HMCN2: variants seen among roughly 807,000 people sequenced by gnomAD.
The protein encoded by HMCN2 is hemicentin 2.
HMCN2 carries 325 observed loss-of-function variants against 377.5 expected under a neutral mutation model. That is an observed-to-expected ratio of 0.86 (90% confidence interval 0.79 to 0.94). The LOEUF (loss-of-function observed/expected upper bound fraction) is 0.94. HMCN2 is among the 40% of genes least tolerant of loss of function. The pLI is 0.00. For synonymous variants in HMCN2, 2,007 were observed against 2,046.8 expected, an observed-to-expected ratio of 0.98 and a Z score of 0.53; for missense variants, 4,543 against 4,725.3, an observed-to-expected ratio of 0.96 and a Z score of 1.13.
At chr9:130,374,395 C>T (rs186103506) in intron 48 of HMCN2, 107 bp from the exon 49 acceptor site, 5 of 487,330 alleles carry the variant, frequency 1.0e-5, no homozygotes, top group East Asian at 3.0e-4. Flanking sequence ...GCCTCTGGGC[C>T]GGAATGGAAA....
rs1837010543 is a variant in HMCN2 at position 130,308,332 on chromosome 9, T to C, written c.2200+766T>C. Among the ~76,000 whole-genome samples the C allele has an allele frequency of 6.6e-6, 1 of 152,192 alleles. No homozygotes were observed. The highest frequency in any genetic ancestry group is 1.5e-5 in the Non-Finnish European group (1 of 68,024). ...TTCTTAGTGATAGTGCCGACGATAA[T>C]GTGATTATCTGAAAATGACAGCAAT... On this transcript the variant is annotated intron_variant, in intron 14 of 97. Transcript: ENST00000683500. This position sits in a 1 kb window ranked among gnomAD's most constrained non-coding sequence, Gnocchi z 4.1.
chr9:130,342,012 A>AAAATAAATAAAT (rs1221408865), intron 24 of HMCN2, among the ~76,000 whole-genome samples: 5,267 of 130,658 alleles, frequency 0.04, 133 homozygotes, highest in East Asian at 0.091. Flanking sequence ...CCCATCTCTT[A>AAAATAAATAAAT]AAATAAATAA....
chr9:130,430,765 C>G (rs570871891), intron 95 of HMCN2, 161 bp downstream of exon 95: 4 of 663,234 alleles, frequency 6.0e-6, no homozygotes, highest in Non-Finnish European at 2.5e-6. Context: ...TGCAGGGTGT[C>G]TCAGAGCCTT....
In HMCN2 at chr9:130,369,510, T is replaced by A; in HGVS notation, c.6788-60T>A. The A allele has an allele frequency of 1.1e-6, 1 of 940,062 alleles. No homozygotes were observed. Among genetic ancestry groups the A allele is most frequent in the South Asian group, 4.9e-5 (1 of 20,302 alleles). The allele number at this position is 940,062 out of a possible 1,614,324, so 58.2% of individuals were successfully genotyped here. A position where few individuals can be genotyped will look rare whatever the true frequency, so the allele number is the denominator to read the frequency against. On this transcript the variant is annotated intron_variant, in intron 44 of 97. Transcript: ENST00000683500. This position sits in a 1 kb window ranked among gnomAD's most constrained non-coding sequence, Gnocchi z 4.5. ...GTGTCCCTATTGGGCCCGGGGTAAG[T>A]GTGTGGTGCCTGGTGGCCCCAGCAG...
intron 15 of HMCN2, among the ~76,000 whole-genome samples, chr9:130,315,993 A>C (rs1269835150): frequency 3.9e-5 from 6 of 152,104 alleles, no homozygotes; most frequent in Non-Finnish European, 8.8e-5. Context: ...TTTGTGGGGG[A>C]CACAGTTCAG....
intron 27 of HMCN2, 147 bp from the exon 28 acceptor site, chr9:130,348,837 A>T (rs1839538146): frequency 8.3e-7 from 1 of 1,211,302 alleles, no homozygotes; most frequent in Non-Finnish European, 1.1e-6. Context: ...GTGGTCATGT[A>T]GTGAAGCCTG....
At position 130,364,313 on chromosome 9, in the gene HMCN2, G is replaced by A. The variant is rs187323280; in HGVS notation, c.6233-401G>A. 9.8e-5 allele frequency among the ~76,000 whole-genome samples: 15 copies of A among 152,360 alleles called. No homozygotes were observed. The East Asian group carries it at 2.9e-3, about 29-fold the overall frequency. ...CATGAGTTCTCCCCCTGGACCCTGC[G>A]TTCCTTCCTGCAAAGCTGCACTGGT... On this transcript the variant is annotated intron_variant, in intron 40 of 97. Coordinates refer to ENST00000683500, the MANE Select transcript of HMCN2 (RefSeq NM_001291815.2).
chr9:130,337,500 C>A (rs1050114801), intron 22 of HMCN2, among the ~76,000 whole-genome samples: 1 of 152,074 alleles, frequency 6.6e-6, no homozygotes, highest in African/African-American at 2.4e-5. Context: ...GGTTCCTGGC[C>A]CTGGGCTGAG....
intron 8 of HMCN2, among the ~76,000 whole-genome samples, chr9:130,302,464 T>C (rs1181086575): frequency 6.6e-6 from 1 of 152,156 alleles, no homozygotes; most frequent in Non-Finnish European, 1.5e-5. Flanking sequence ...CTAATCCTAG[T>C]TGGTAGCATT....
At position 130,348,545 on chromosome 9, in the gene HMCN2, T is replaced by C. The variant is rs747892344; in HGVS notation, c.4025T>C (p.Val1342Ala). The C allele has an allele frequency of 7.7e-7, 1 of 1,303,748 alleles. No homozygotes were observed. The highest frequency in any genetic ancestry group is 2.3e-5 in the Admixed American group (1 of 43,538). The allele number at this position is 1,303,748 out of a possible 1,614,324, so 80.8% of individuals were successfully genotyped here. ...CTCCTCGGCTCTCCTTGCCCCCAAGTGCCCCCCAGCATCCGGGAGGACGGG... is the reference window on the plus strand; with the variant it reads ...CTCCTCGGCTCTCCTTGCCCCCAAGCGCCCCCCAGCATCCGGGAGGACGGG... The part of the protein sequence containing the change: ...TSRRAKLVVY[V>A]PPSIREDGRK... Residue 1342 changes from valine (V) to alanine (A), a missense_variant and splice_region_variant, in exon 27 of 98, where the codon GTG (valine) becomes GCG (alanine). Coordinates refer to ENST00000683500, the MANE Select transcript of HMCN2 (RefSeq NM_001291815.2).
chr9:130,411,709 AG>A (rs1276675675), intron 85 of HMCN2, among the ~76,000 whole-genome samples: 4 of 152,196 alleles, frequency 2.6e-5, no homozygotes, highest in Non-Finnish European at 5.9e-5. Flanking sequence ...CCGGTCACAA[AG>A]AAACAAACAC....
In HMCN2 at chr9:130,400,962, G is replaced by T; in HGVS notation, c.11770+15G>T. On this transcript the variant is annotated intron_variant, in intron 77 of 97. Transcript: ENST00000683500. ...CTCACCATCGGGTAAGTAAGGGTAA[G>T]CCACAGAGAGAGGCAGCTGAGGGGA... is the stretch of plus-strand genomic sequence containing the variant. The T allele has an allele frequency of 7.8e-7, 1 of 1,280,040 alleles. No homozygotes were observed. 79.3% of individuals were successfully genotyped at this position (1,280,040 alleles called of 1,614,324 possible).
chr9:130,293,279 G>GTTTTTTTTTTTTTT lies in HMCN2; in HGVS notation c.613-1568_613-1555dup, dbSNP rs71387339. On this transcript the variant is annotated intron_variant, in intron 4 of 97. Transcript: ENST00000683500. ...TTCCAAATAAAATCTACTCACTAAA[G>GTTTTTTTTTTTTTT]TTTTTTTTTTTTTTTTTTTTTGCGG... Among the ~76,000 whole-genome samples the GTTTTTTTTTTTTTT allele has an allele frequency of 1.2e-3, 69 of 57,120 alleles. 9 individuals carry two copies. Among genetic ancestry groups the GTTTTTTTTTTTTTT allele is most frequent in the South Asian group, 2.5e-3 (3 of 1,208 alleles). The allele number at this position is 57,120 out of a possible 152,430, so 37.5% of individuals were successfully genotyped here.
chr9:130,344,215 CAG>C (rs1452349066), intron 25 of HMCN2, among the ~76,000 whole-genome samples: 1 of 152,106 alleles, frequency 6.6e-6, no homozygotes, highest in Non-Finnish European at 1.5e-5. Context: ...CAGGGGCTCT[CAG>C]GGGAAAGCTG....
chr9:130,379,436 C>T lies in HMCN2; in HGVS notation c.8400C>T (p.Leu2800=). The T allele has an allele frequency of 2.0e-6, 2 of 985,896 alleles. No homozygotes were observed. Among genetic ancestry groups the T allele is most frequent in the Non-Finnish European group, 2.4e-6 (2 of 829,970 alleles). 61.1% of individuals were successfully genotyped at this position (985,896 alleles called of 1,614,324 possible). The change falls in exon 54 of 98, where the codon CTC becomes CTT. Residue 2800 remains leucine (L), a synonymous_variant. Transcript: ENST00000683500. The part of the protein sequence containing the change: ...DLTWYREDQP[L]SAGDEVSVLQ... ...CCTGGTACAGAGAGGATCAGCCCCT[C>T]TCGGCCGGGGATGAGGTGTCTGTGC...
chr9:130,420,681 C>G (rs1843957744), intron 86 of HMCN2, among the ~76,000 whole-genome samples: 1 of 152,052 alleles, frequency 6.6e-6, no homozygotes, highest in Non-Finnish European at 1.5e-5. Flanking sequence ...GAAACATCAC[C>G]CCCACCTCTG....
At chr9:130,430,699 AC>A in intron 95 of HMCN2, 95 bp downstream of exon 95, 1 of 1,211,192 alleles carries the variant, frequency 8.3e-7, no homozygotes, top group Non-Finnish European at 1.1e-6. Flanking sequence ...GAGTTCAGAA[AC>A]CCAGACCTTC....
At chr9:130,335,962 C>G (rs1010191416) in intron 22 of HMCN2, among the ~76,000 whole-genome samples, 49 of 152,312 alleles carry the variant, frequency 3.2e-4, no homozygotes, top group African/African-American at 1.2e-3. Context: ...GCCTGAGAAT[C>G]AGCATGTTTC....
chr9:130,410,459 T>C (rs763471360), intron 84 of HMCN2, 112 bp from the exon 85 acceptor site: 9 of 910,774 alleles, frequency 9.9e-6, no homozygotes, highest in South Asian at 1.5e-5. Context: ...CCCTGGCTGG[T>C]TCACAGCCTA....
Sources: gnomAD v4.1 joint callset for allele counts (sites outside exome capture counted in the v4.1 genomes callset) on GRCh38, gnomAD v4.1.1 for gene constraint, Gnocchi (gnomAD v3.1) non-coding constraint, MANE v1.5 for transcripts, NCBI Gene and HGNC (gene_info 2026-07-23, HGNC 2026-07-21) for gene names.